The following AHCYL2 variants were observed in gnomAD, a reference collection of about 807,000 sequenced individuals.
The protein encoded by AHCYL2 is S-adenosylhomocysteine hydrolase-like protein 2.
In AHCYL2, 28 loss-of-function variants were observed where a neutral mutation model predicts 81.4. The ratio of observed to expected loss-of-function variants is 0.34; its 90% CI spans 0.25 to 0.47. The LOEUF (loss-of-function observed/expected upper bound fraction) is 0.47. AHCYL2 is among the 20% of genes least tolerant of loss of function. The probability of loss-of-function intolerance (pLI) is 1.00; values close to 1 mark genes in which losing one functional copy is unlikely to be tolerated. For missense variants in AHCYL2, 551 were observed against 785.1 expected (o/e 0.70, Z 3.56); for synonymous variants, 272 against 290.2 (o/e 0.94, Z 0.64).
chr7:129,265,470 A>G (rs965515402), intron 1 of AHCYL2, among the ~76,000 whole-genome samples: 3 of 152,184 alleles, frequency 2.0e-5, no homozygotes, highest in Non-Finnish European at 4.4e-5. Flanking sequence ...CTTTATTATA[A>G]GAGAGTGAAG....
At chr7:129,346,154 T>C (rs931322161) in intron 1 of AHCYL2, among the ~76,000 whole-genome samples, 2 of 152,174 alleles carry the variant, frequency 1.3e-5, no homozygotes, top group Non-Finnish European at 2.9e-5. Context: ...GGTTGGTATT[T>C]GGTTTTGTTC....
At chr7:129,251,879 A>G (rs1192699612) in intron 1 of AHCYL2, among the ~76,000 whole-genome samples, 1 of 152,190 alleles carries the variant, frequency 6.6e-6, no homozygotes, top group Non-Finnish European at 1.5e-5. Context: ...GAGTTATTAT[A>G]GTGGCTTATA....
chr7:129,407,161 G>T (rs1375680839), intron 10 of AHCYL2, among the ~76,000 whole-genome samples: 1 of 152,040 alleles, frequency 6.6e-6, no homozygotes, highest in Non-Finnish European at 1.5e-5. Flanking sequence ...ACCAGCCTTG[G>T]CAACATAGGG....
intron 1 of AHCYL2, among the ~76,000 whole-genome samples, chr7:129,340,889 G>A (rs771258033): frequency 2.6e-5 from 4 of 151,786 alleles, no homozygotes; most frequent in Non-Finnish European, 5.9e-5. Context: ...TTTTTACATT[G>A]CTGTGTTAGT....
intron 1 of AHCYL2, among the ~76,000 whole-genome samples, chr7:129,347,435 A>G (rs1215294894): frequency 6.6e-6 from 1 of 152,172 alleles, no homozygotes; most frequent in Non-Finnish European, 1.5e-5. Context: ...CTGTGAACCT[A>G]AAACTGCTCT....
intron 6 of AHCYL2, among the ~76,000 whole-genome samples, chr7:129,400,733 A>G (rs1426135236): frequency 6.6e-6 from 1 of 152,138 alleles, no homozygotes; most frequent in Non-Finnish European, 1.5e-5. Flanking sequence ...TACAACAACC[A>G]AAAAACCCAA....
chr7:129,421,636 T>C (rs1276646565), intron 12 of AHCYL2, among the ~76,000 whole-genome samples: 1 of 152,262 alleles, frequency 6.6e-6, no homozygotes, highest in African/African-American at 2.4e-5. Flanking sequence ...GTTTCCCATC[T>C]ACCTAATAAA....
At chr7:129,353,014 C>T (rs898754487) in intron 1 of AHCYL2, among the ~76,000 whole-genome samples, 3 of 135,278 alleles carry the variant, frequency 2.2e-5, no homozygotes, top group Non-Finnish European at 4.6e-5. Flanking sequence ...TGTGGTCTCT[C>T]GGCTCACTGC....
intron 2 of AHCYL2, among the ~76,000 whole-genome samples, chr7:129,380,774 C>G (rs1468827194): frequency 6.6e-6 from 1 of 152,152 alleles, no homozygotes; most frequent in Non-Finnish European, 1.5e-5. Flanking sequence ...GGGTCTCACT[C>G]TGTCACCCAG....
At chr7:129,290,228 G>T (rs560696007) in intron 1 of AHCYL2, among the ~76,000 whole-genome samples, 14 of 152,282 alleles carry the variant, frequency 9.2e-5, no homozygotes, top group Non-Finnish European at 1.9e-4. Flanking sequence ...TAGTGGCTGG[G>T]CACGGTGGCT....
intron 1 of AHCYL2, among the ~76,000 whole-genome samples, chr7:129,376,855 A>G (rs1229080036): frequency 1.3e-5 from 2 of 152,224 alleles, no homozygotes; most frequent in African/African-American, 4.8e-5. Flanking sequence ...GAATAAAGAC[A>G]TGTGACTGTT....
chr7:129,428,852 T>G lies in AHCYL2; in HGVS notation c.*1807T>G, dbSNP rs1797465626. 1 of 152,206 alleles carries G rather than the reference T, an allele frequency of 6.6e-6. No individual in the cohort carries two copies. Among genetic ancestry groups the G allele is most frequent in the Non-Finnish European group, 1.5e-5 (1 of 68,044 alleles). The allele number at this position is 152,206 out of a possible 1,614,324, so 9.4% of individuals were successfully genotyped here. The stretch of plus-strand genomic sequence containing the variant: ...ATGTCTCAGCAAGTACTGGTTATAT[T>G]CTTTTTTTGTAAGGAAGATCATAAA... On this transcript the variant is annotated 3_prime_UTR_variant, in exon 17 of 17. Coordinates refer to ENST00000325006, the MANE Select transcript of AHCYL2 (RefSeq NM_015328.4).
At chr7:129,398,306 C>G (rs545495851) in intron 5 of AHCYL2, among the ~76,000 whole-genome samples, 1 of 151,480 alleles carries the variant, frequency 6.6e-6, no homozygotes, top group African/African-American at 2.4e-5. Flanking sequence ...CCACCATGCC[C>G]AGCCCATTTC....
chr7:129,402,733 T>C (rs1796093943), intron 6 of AHCYL2, among the ~76,000 whole-genome samples: 1 of 152,240 alleles, frequency 6.6e-6, no homozygotes, highest in Non-Finnish European at 1.5e-5. Flanking sequence ...CACACCTACA[T>C]GCTGCACGGT....
intron 1 of AHCYL2, among the ~76,000 whole-genome samples, chr7:129,365,897 A>G (rs899627547): frequency 6.6e-6 from 1 of 151,988 alleles, no homozygotes; most frequent in Non-Finnish European, 1.5e-5. Flanking sequence ...GGGGGGCGGG[A>G]AAGGAAAGAC....
At chr7:129,326,557 C>T (rs1798233347) in intron 1 of AHCYL2, among the ~76,000 whole-genome samples, 1 of 151,854 alleles carries the variant, frequency 6.6e-6, no homozygotes, top group Non-Finnish European at 1.5e-5. Flanking sequence ...AAAAATCCTC[C>T]TATGAAAACT....
intron 1 of AHCYL2, chr7:129,376,050 C>A: frequency 1.6e-6 from 2 of 1,241,208 alleles, no homozygotes; most frequent in Non-Finnish European, 1.1e-6. Context: ...ATAAGGTGAG[C>A]TACCCCTCTT....
At chr7:129,270,800 T>C (rs1020399084) in intron 1 of AHCYL2, among the ~76,000 whole-genome samples, 29 of 152,332 alleles carry the variant, frequency 1.9e-4, no homozygotes, top group African/African-American at 6.7e-4. Context: ...TAGAGAAATG[T>C]CAAGGAAGTT....
chr7:129,309,659 TG>T (rs1797579524), intron 1 of AHCYL2, among the ~76,000 whole-genome samples: 1 of 152,232 alleles, frequency 6.6e-6, no homozygotes, highest in South Asian at 2.1e-4. Context: ...CCCGCATTCC[TG>T]GATCAATTTT....
Sources: allele counts gnomAD v4.1 joint callset (sites outside exome capture counted in the v4.1 genomes callset), GRCh38; gene constraint gnomAD v4.1.1; transcripts MANE v1.5; gene names NCBI Gene and HGNC (gene_info 2026-07-23, HGNC 2026-07-21).